CSRNP3: variants seen among roughly 807,000 people sequenced by gnomAD.
The protein encoded by CSRNP3 is cysteine and serine rich nuclear protein 3, also known as cysteine/serine-rich nuclear protein 3.
A neutral mutation model predicts 48.0 loss-of-function variants in CSRNP3; 12 were observed. The ratio of observed to expected loss-of-function variants is 0.25; its 90% CI spans 0.16 to 0.41. CSRNP3 has a LOEUF of 0.41. Among genes scored for constraint, CSRNP3 ranks in the 10% least tolerant of loss-of-function variants. CSRNP3 has a pLI of 1.00. For synonymous variants in CSRNP3, 263 were observed against 269.7 expected (o/e 0.98, Z 0.24); for missense variants, 580 against 724.4 (o/e 0.80, Z 2.29).
intron 5 of CSRNP3, among the ~76,000 whole-genome samples, chr2:165,663,908 T>C (rs1016463283): frequency 1.3e-5 from 2 of 152,152 alleles, no homozygotes; most frequent in Non-Finnish European, 2.9e-5. Context: ...GTCTGGCTTA[T>C]TAGCTACCAC....
At chr2:165,481,733 G>A (rs1018326802) in intron 1 of CSRNP3, among the ~76,000 whole-genome samples, 4 of 152,100 alleles carry the variant, frequency 2.6e-5, no homozygotes, top group African/African-American at 9.7e-5. Context: ...GTACCAGTGG[G>A]GTAGGGAGTA....
intron 5 of CSRNP3, among the ~76,000 whole-genome samples, chr2:165,659,177 G>A (rs1357653623): frequency 2.6e-5 from 4 of 152,138 alleles, no homozygotes; most frequent in African/African-American, 7.2e-5. Context: ...GTGTTGAGAC[G>A]GGATGGAATA....
intron 5 of CSRNP3, among the ~76,000 whole-genome samples, chr2:165,659,765 A>T (rs1388339764): frequency 6.6e-6 from 1 of 152,202 alleles, no homozygotes. Context: ...TAAATACCTG[A>T]AGCACCATAA....
chr2:165,623,237 G>T (rs546187279), intron 4 of CSRNP3, among the ~76,000 whole-genome samples: 1 of 152,132 alleles, frequency 6.6e-6, no homozygotes, highest in African/African-American at 2.4e-5. Flanking sequence ...TCTATGGCCT[G>T]TTAAGAAGTG....
chr2:165,668,061 C>G (rs1242487048), intron 5 of CSRNP3, among the ~76,000 whole-genome samples: 1 of 152,202 alleles, frequency 6.6e-6, no homozygotes, highest in Non-Finnish European at 1.5e-5. Context: ...GATGCCATCT[C>G]TGCTCTCAAC....
intron 4 of CSRNP3, among the ~76,000 whole-genome samples, chr2:165,600,196 T>C (rs1685891003): frequency 6.9e-6 from 1 of 144,094 alleles, no homozygotes; most frequent in Non-Finnish European, 1.5e-5. Context: ...TGGTTTTTTG[T>C]TCTTGCGATA....
At position 165,680,317 on chromosome 2, in the gene CSRNP3, A is replaced by G. The variant is rs1268738992; in HGVS notation, c.*564A>G. The stretch of plus-strand genomic sequence containing the variant: ...AGCTAGTTCCACAGAGCATGCCCAC[A>G]TGGATTGCATCTGGAATCCATTCAC... On this transcript the variant is annotated 3_prime_UTR_variant, in exon 7 of 7. Transcript: ENST00000651982. The G allele has an allele frequency of 6.5e-6, 1 of 153,032 alleles. No homozygotes were observed. The highest frequency in any genetic ancestry group is 1.5e-5 in the Non-Finnish European group (1 of 68,410). 9.5% of individuals were successfully genotyped at this position (153,032 alleles called of 1,614,324 possible). A position where few individuals can be genotyped will look rare whatever the true frequency, so the allele number is the denominator to read the frequency against.
intron 4 of CSRNP3, among the ~76,000 whole-genome samples, chr2:165,654,849 C>T (rs192353076): frequency 6.6e-5 from 10 of 152,208 alleles, no homozygotes; most frequent in African/African-American, 2.4e-4. Context: ...AGGATGGTCT[C>T]GAATTTCTGA....
chr2:165,508,566 G>A (rs1402456768), intron 2 of CSRNP3, among the ~76,000 whole-genome samples: 2 of 151,518 alleles, frequency 1.3e-5, no homozygotes, highest in African/African-American at 4.8e-5. Flanking sequence ...TGACAACCTG[G>A]TTTATATTCT....
chr2:165,508,258 T>C (rs1684455155), intron 2 of CSRNP3, among the ~76,000 whole-genome samples: 2 of 152,242 alleles, frequency 1.3e-5, no homozygotes, highest in South Asian at 2.1e-4. Flanking sequence ...TCTGTTTTCT[T>C]TGTAAGATTA....
intron 4 of CSRNP3, among the ~76,000 whole-genome samples, chr2:165,655,462 G>C (rs1347135378): frequency 6.6e-6 from 1 of 152,132 alleles, no homozygotes; most frequent in East Asian, 1.9e-4. Context: ...TCCCCGCATA[G>C]TACAGCACAT....
chr2:165,646,832 CT>C (rs952489035), intron 4 of CSRNP3, among the ~76,000 whole-genome samples: 1 of 151,916 alleles, frequency 6.6e-6, no homozygotes, highest in Non-Finnish European at 1.5e-5. Context: ...TAACAACTAC[CT>C]TTTTTTCCCA....
At chr2:165,572,212 A>C (rs1685383944) in intron 3 of CSRNP3, 1 of 152,152 alleles carries the variant, frequency 6.6e-6, no homozygotes, top group African/African-American at 2.4e-5. Context: ...GACTTAGAGC[A>C]GCTTCCTTAT....
At chr2:165,610,550 A>T (rs1417044930) in intron 4 of CSRNP3, among the ~76,000 whole-genome samples, 1 of 152,176 alleles carries the variant, frequency 6.6e-6, no homozygotes, top group Non-Finnish European at 1.5e-5. Context: ...TTTTTCTGAA[A>T]CTGAACCACC....
chr2:165,562,095 G>GT (rs750914134), intron 3 of CSRNP3, among the ~76,000 whole-genome samples: 1 of 152,090 alleles, frequency 6.6e-6, no homozygotes, highest in African/African-American at 2.4e-5. Flanking sequence ...ATGTAAAAAT[G>GT]TTTACAAAGG....
At chr2:165,542,685 A>G (rs544487590) in intron 3 of CSRNP3, among the ~76,000 whole-genome samples, 41 of 152,302 alleles carry the variant, frequency 2.7e-4, no homozygotes, top group Middle Eastern at 3.4e-3. Flanking sequence ...TTAAATCTTT[A>G]AATACATGTA....
At chr2:165,527,005 G>A (rs1364667216) in intron 3 of CSRNP3, among the ~76,000 whole-genome samples, 1 of 151,980 alleles carries the variant, frequency 6.6e-6, no homozygotes, top group Non-Finnish European at 1.5e-5. Flanking sequence ...GTAATAAAAT[G>A]GGAAACATTT....
chr2:165,520,162 A>G (rs1469049882), intron 3 of CSRNP3, among the ~76,000 whole-genome samples: 2 of 152,340 alleles, frequency 1.3e-5, no homozygotes, highest in African/African-American at 4.8e-5. Flanking sequence ...GTGCATTTTT[A>G]TTAGAAAATA....
rs1343917326 is a variant in CSRNP3, at chr2:165,682,038, A to T, written c.*2285A>T. 1 of 151,594 alleles carries T rather than the reference A, an allele frequency of 6.6e-6. No individual in the cohort carries two copies. The highest frequency in any genetic ancestry group is 1.5e-5 in the Non-Finnish European group (1 of 67,928). 9.4% of individuals were successfully genotyped at this position (151,594 alleles called of 1,614,324 possible). A position where few individuals can be genotyped will look rare whatever the true frequency, so the allele number is the denominator to read the frequency against. On this transcript the variant is annotated 3_prime_UTR_variant, in exon 7 of 7. Transcript: ENST00000651982. The stretch of plus-strand genomic sequence containing the variant: ...CTCTTGAAGGATCTGCTTGTGAAGT[A>T]CTCTGAGGTTATTCTTGGAACACAG...
Sources: allele counts gnomAD v4.1 joint callset (sites outside exome capture counted in the v4.1 genomes callset), GRCh38; gene constraint gnomAD v4.1.1; transcripts MANE v1.5; gene names NCBI Gene and HGNC (gene_info 2026-07-23, HGNC 2026-07-21).